TRIM47: variants seen among roughly 807,000 people sequenced by gnomAD.
The protein encoded by TRIM47 is E3 ubiquitin-protein ligase TRIM47.
TRIM47 carries 46 observed loss-of-function variants against 54.4 expected under a neutral mutation model. The ratio of observed to expected loss-of-function variants is 0.84; its 90% CI spans 0.67 to 1.08. TRIM47 has a LOEUF of 1.08. TRIM47 is among the 50% of genes least tolerant of loss of function. TRIM47 has a pLI of 0.00. For missense variants in TRIM47, 825 were observed against 910.1 expected, an observed-to-expected ratio of 0.91 and a Z score of 1.20; for synonymous variants, 392 against 410.2, an observed-to-expected ratio of 0.96 and a Z score of 0.54.
intron 2 of TRIM47, 76 bp downstream of exon 2, chr17:75,876,642 G>A: frequency 6.4e-7 from 1 of 1,568,896 alleles, no homozygotes; most frequent in Non-Finnish European, 8.7e-7. Flanking sequence ...CCAGGTCAGG[G>A]GACACTTGTG....
Position 75,878,003 on chromosome 17 carries a change from G to T in TRIM47, c.546C>A (p.Cys182Ter). The change falls in exon 1 of 6, where the codon TGC (cysteine) becomes TGA (stop). Residue 182 changes from cysteine to a stop codon, truncating the protein, a stop_gained. Transcript: ENST00000254816. LOFTEE classifies it high-confidence loss of function. Reference protein sequence around the residue: ...PPLRRLEESLCPRHLRPLERY... With the variant: ...PPLRRLEESL ...GCTCGAGCGGCCGTAGGTGGCGCGG[G>T]CACAGGCTCTCCTCTAGCCGGCGCA... 6.8e-7 allele frequency: 1 copy of T among 1,465,292 alleles called. No individual in the cohort carries two copies. The allele number at this position is 1,465,292 out of a possible 1,614,324, so 90.8% of individuals were successfully genotyped here. A position where few individuals can be genotyped will look rare whatever the true frequency, so the allele number is the denominator to read the frequency against.
chr17:75,877,677 C>A, intron 1 of TRIM47, 197 bp downstream of exon 1: 1 of 1,233,036 alleles, frequency 8.1e-7, no homozygotes, highest in Non-Finnish European at 1.0e-6. Flanking sequence ...GTTCTCACGT[C>A]CCTCCTTCCT....
intron 1 of TRIM47, chr17:75,877,145 C>T (rs2065140679): frequency 5.7e-6 from 2 of 348,466 alleles, no homozygotes. Context: ...AGAGAGTAAG[C>T]CAGTTAGGTT....
In TRIM47 at chr17:75,875,843, G is replaced by C; in HGVS notation, c.1201+58C>G. The stretch of plus-strand genomic sequence containing the variant: ...TTCTGGATGGGCGCCAGGCCTGGGG[G>C]CCTGTGCGAGAGGCTGGCAGAGGGT... On this transcript the variant is annotated intron_variant, in intron 4 of 5. Coordinates refer to ENST00000254816, the MANE Select transcript of TRIM47 (RefSeq NM_033452.3). This position sits in a 1 kb window ranked among gnomAD's most constrained non-coding sequence, Gnocchi z 6.1. The C allele has an allele frequency of 6.4e-7, 1 of 1,562,354 alleles. No individual in the cohort carries two copies.
Position 75,875,885 on chromosome 17 carries a change from G to A in TRIM47, c.1201+16C>T, listed in dbSNP as rs570445981. On this transcript the variant is annotated intron_variant, in intron 4 of 5. Transcript: ENST00000254816. This position sits in a 1 kb window ranked among gnomAD's most constrained non-coding sequence, Gnocchi z 6.1. ...GCAGAGGGTGAGTCATCGGGGGGGC[G>A]TGGGGCGGTGCCCACCTTCCGAGTC... 174 of 1,608,212 alleles carry A rather than the reference G, an allele frequency of 1.1e-4. No individual in the cohort carries two copies. The highest frequency in any genetic ancestry group is 1.7e-4 in the African/African-American group (13 of 74,958).
Position 75,875,347 on chromosome 17 carries a change from AGCAGCCCTGGGAGGGC to A in TRIM47, c.1276+37_1276+52del. The A allele has an allele frequency of 6.3e-7, 1 of 1,586,124 alleles. No individual in the cohort carries two copies. Among genetic ancestry groups the A allele is most frequent in the Non-Finnish European group, 8.7e-7 (1 of 1,154,988 alleles). On this transcript the variant is annotated intron_variant, in intron 5 of 5. Transcript: ENST00000254816. The surrounding 1 kb of genome is among the most constrained non-coding windows in gnomAD (Gnocchi z 6.1). ...GCCAGGGCCCTGCTGGGACCAGCCC[AGCAGCCCTGGGAGGGC>A]CCAGTGTGAGTGGAGGGGGCACGGG...
At position 75,875,757 on chromosome 17, in the gene TRIM47, G is replaced by T; in HGVS notation, c.1201+144C>A. 1 of 996,238 alleles carries T rather than the reference G, an allele frequency of 1.0e-6. No individual in the cohort carries two copies. Among genetic ancestry groups the T allele is most frequent in the Non-Finnish European group, 1.5e-6 (1 of 681,982 alleles). The allele number at this position is 996,238 out of a possible 1,614,324, so 61.7% of individuals were successfully genotyped here. The stretch of plus-strand genomic sequence containing the variant: ...GCTGATTGATCCCCACAGGGTGGCA[G>T]CTCTAGTCACTGGCAGGATTTGGGC... On this transcript the variant is annotated intron_variant, in intron 4 of 5. Coordinates refer to ENST00000254816, the MANE Select transcript of TRIM47 (RefSeq NM_033452.3). This position sits in a 1 kb window ranked among gnomAD's most constrained non-coding sequence, Gnocchi z 6.1.
intron 1 of TRIM47, 53 bp from the exon 2 acceptor site, chr17:75,876,866 C>T (rs1172491723): frequency 1.1e-5 from 17 of 1,576,434 alleles, no homozygotes; most frequent in African/African-American, 2.7e-5. Flanking sequence ...CACAGCCCTA[C>T]ACTCGGGTCC....
chr17:75,876,790 G>A lies in TRIM47; in HGVS notation c.699C>T (p.Ser233=), dbSNP rs770368188. 1.6e-5 allele frequency: 26 copies of A among 1,613,990 alleles called. No individual in the cohort carries two copies. The highest frequency in any genetic ancestry group is 3.3e-5 in the Admixed American group (2 of 60,008). The change falls in exon 2 of 6, where the codon AGC becomes AGT. Residue 233 remains serine, a synonymous_variant. Transcript: ENST00000254816. ...GCTCGTCCATGCGGTCCTCCACGGC[G>A]CTCAGGACTTTGGACTGCTCAGCCT... The part of the protein sequence containing the change: ...LQEAEQSKVL[S]AVEDRMDELG...
chr17:75,874,618 C>T lies in TRIM47; in HGVS notation c.1782G>A (p.Gln594=), dbSNP rs776851152. The part of the protein sequence containing the change: ...GIPASPIDPF[Q]SRLDSHFAGL... Reference sequence around the variant, plus strand: ...CCGCAAAGTGACTGTCCAGGCGGCTCTGGAAGGGGTCAATGGGGGAGGCCG... The same window carrying T: ...CCGCAAAGTGACTGTCCAGGCGGCTTTGGAAGGGGTCAATGGGGGAGGCCG... The change falls in exon 6 of 6, where the codon CAG becomes CAA. Residue 594 remains glutamine, a synonymous_variant. Coordinates refer to ENST00000254816, the MANE Select transcript of TRIM47 (RefSeq NM_033452.3). This position sits in a 1 kb window ranked among gnomAD's most constrained non-coding sequence, Gnocchi z 6.2. The T allele has an allele frequency of 1.3e-6, 2 of 1,574,084 alleles. No individual in the cohort carries two copies. The highest frequency in any genetic ancestry group is 4.5e-5 in the East Asian group (2 of 44,390).
In TRIM47 at chr17:75,878,490, AC is replaced by A; in HGVS notation, c.58del (p.Val20Ter). 1 of 1,385,010 alleles carries A rather than the reference AC, an allele frequency of 7.2e-7. No individual in the cohort carries two copies. The highest frequency in any genetic ancestry group is 1.5e-5 in the African/African-American group (1 of 66,856). 85.8% of individuals were successfully genotyped at this position (1,385,010 alleles called of 1,614,324 possible). On this transcript the variant is annotated frameshift_variant, in exon 1 of 6. Transcript: ENST00000254816. LOFTEE classifies it high-confidence loss of function. The stretch of plus-strand genomic sequence containing the variant: ...GAAGTTGTGGCCGCAGGGCAGCGTC[AC>A]CGGCTCCCGGAGTGGCTCTAGGCAG... ...PICLEPLREP[V>X]TLPCGHNFCL...
At chr17:75,876,214 A>C (rs556040996) in intron 3 of TRIM47, 48 bp downstream of exon 3, 4 of 1,572,110 alleles carry the variant, frequency 2.5e-6, no homozygotes. Flanking sequence ...CCTCCACCCC[A>C]CCTGTCCCAG....
Position 75,876,746 on chromosome 17 carries a change from T to G in TRIM47, c.743A>C (p.Gln248Pro), listed in dbSNP as rs201023742. The G allele has an allele frequency of 5.0e-6, 8 of 1,614,198 alleles. No homozygotes were observed. Among genetic ancestry groups the G allele is most frequent in the Non-Finnish European group, 6.8e-6 (8 of 1,180,024 alleles). The change falls in exon 2 of 6, where the codon CAG becomes CCG. Residue 248 changes from glutamine to proline, a missense_variant. By Grantham distance (76) the Gln-to-Pro change is moderately conservative. Coordinates refer to ENST00000254816, the MANE Select transcript of TRIM47 (RefSeq NM_033452.3). Reference sequence around the variant, plus strand: ...GATGAGGGCCACTGTGCGCCTGGACTGTGCAATGCCAGCACCCAGCTCGTC... The same window carrying G: ...GATGAGGGCCACTGTGCGCCTGGACGGTGCAATGCCAGCACCCAGCTCGTC... ...RMDELGAGIA[Q>P]SRRTVALIKS...
In TRIM47 at chr17:75,874,859, C is replaced by T. The variant is rs778806267; in HGVS notation, c.1541G>A (p.Gly514Asp). 1 of 1,614,022 alleles carries T rather than the reference C, an allele frequency of 6.2e-7. No individual in the cohort carries two copies. Among genetic ancestry groups the T allele is most frequent in the African/African-American group, 1.3e-5 (1 of 74,938 alleles). Residue 514 changes from glycine (G) to aspartate (D), a missense_variant, in exon 6 of 6, where the codon GGC (glycine) becomes GAC (aspartate). Transcript: ENST00000254816. The surrounding 1 kb of genome is among the most constrained non-coding windows in gnomAD (Gnocchi z 6.2). ...PQEPYDRGRL[G>D]RNAHSCCLQW... is the part of the protein sequence containing the mutation. ...CAGGCAGCAGGAGTGGGCGTTGCGG[C>T]CCAGCCGGCCGCGGTCGTAGGGCTC...
chr17:75,877,874 C>T lies in TRIM47; in HGVS notation c.675G>A (p.Glu225=). Residue 225 remains glutamate, a splice_region_variant and synonymous_variant, in exon 1 of 6, where the codon GAG becomes GAA. Transcript: ENST00000254816. The stretch of plus-strand genomic sequence containing the variant: ...ACCCGAGTGTGCCCCCGGAGCCCAC[C>T]TCCTGAAGCGCGCGCTCCTGCTCCA... ...VPLEQERALQ[E]AEQSKVLSAV... 1 of 1,356,370 alleles carries T rather than the reference C, an allele frequency of 7.4e-7. No homozygotes were observed. The highest frequency in any genetic ancestry group is 9.5e-7 in the Non-Finnish European group (1 of 1,056,166). 84.0% of individuals were successfully genotyped at this position (1,356,370 alleles called of 1,614,324 possible). A position where few individuals can be genotyped will look rare whatever the true frequency, so the allele number is the denominator to read the frequency against.
In TRIM47 at chr17:75,875,484, A is replaced by C; in HGVS notation, c.1202-10T>G. On this transcript the variant is annotated splice_polypyrimidine_tract_variant and intron_variant, in intron 4 of 5. Transcript: ENST00000254816. The surrounding 1 kb of genome is among the most constrained non-coding windows in gnomAD (Gnocchi z 6.1). ...TGGGGCTCAGCATCAGCTGTAGAAGAGGAGACAGTGGTGAGAACGCCCCCA... is the reference window on the plus strand; with the variant it reads ...TGGGGCTCAGCATCAGCTGTAGAAGCGGAGACAGTGGTGAGAACGCCCCCA... 1.2e-6 allele frequency: 2 copies of C among 1,613,766 alleles called. No individual in the cohort carries two copies. The highest frequency in any genetic ancestry group is 1.3e-5 in the African/African-American group (1 of 75,028).
Position 75,878,259 on chromosome 17 carries a change from G to A in TRIM47, c.290C>T (p.Pro97Leu), listed in dbSNP as rs1183686163. ...CAGCGCGCTGGGTGCCGAGGGCTCC[G>A]GGGCCAGGGCAGGGGCCGGGCCGGG... ...SGPGPAPALAPEPSAPSALPS... is the reference protein window; with the variant it reads ...SGPGPAPALALEPSAPSALPS... Residue 97 changes from proline to leucine, a missense_variant, in exon 1 of 6, where the codon CCG becomes CTG. Transcript: ENST00000254816. The A allele has an allele frequency of 8.1e-7, 1 of 1,241,108 alleles. No homozygotes were observed. Among genetic ancestry groups the A allele is most frequent in the East Asian group, 3.2e-5 (1 of 31,240 alleles). The allele number at this position is 1,241,108 out of a possible 1,614,324, so 76.9% of individuals were successfully genotyped here. A position where few individuals can be genotyped will look rare whatever the true frequency, so the allele number is the denominator to read the frequency against.
Position 75,877,894 on chromosome 17 carries a change from G to A in TRIM47, c.655C>T (p.Gln219Ter). ...CCCACCTCCTGAAGCGCGCGCTCCT[G>A]CTCCAGCGGCACCAGCTCGTGGCCG... ...HRGHELVPLEQERALQEAEQS... is the reference protein window; with the variant it reads ...HRGHELVPLE The change falls in exon 1 of 6, where the codon CAG becomes TAG. Residue 219 changes from glutamine to a stop codon, truncating the protein, a stop_gained. Coordinates refer to ENST00000254816, the MANE Select transcript of TRIM47 (RefSeq NM_033452.3). LOFTEE classifies it high-confidence loss of function. 1.4e-6 allele frequency: 2 copies of A among 1,411,222 alleles called. No homozygotes were observed. Among genetic ancestry groups the A allele is most frequent in the South Asian group, 1.5e-5 (1 of 67,108 alleles). The allele number at this position is 1,411,222 out of a possible 1,614,324, so 87.4% of individuals were successfully genotyped here.
In TRIM47 at chr17:75,875,255, G is replaced by A. The variant is rs879858429; in HGVS notation, c.1277-132C>T. The A allele has an allele frequency of 5.9e-5, 76 of 1,289,840 alleles. No individual in the cohort carries two copies. The highest frequency in any genetic ancestry group is 3.6e-4 in the South Asian group (26 of 71,866). 79.9% of individuals were successfully genotyped at this position (1,289,840 alleles called of 1,614,324 possible). ...CCAACCGGCACAACCCAGCCCCGCCGGGGACCACCCCAGGAGCTGCCCTAG... is the reference window on the plus strand; with the variant it reads ...CCAACCGGCACAACCCAGCCCCGCCAGGGACCACCCCAGGAGCTGCCCTAG... On this transcript the variant is annotated intron_variant, in intron 5 of 5. Coordinates refer to ENST00000254816, the MANE Select transcript of TRIM47 (RefSeq NM_033452.3). The surrounding 1 kb of genome is among the most constrained non-coding windows in gnomAD (Gnocchi z 6.1).
Sources: gnomAD v4.1 joint callset for allele counts on GRCh38, gnomAD v4.1.1 for gene constraint, Gnocchi (gnomAD v3.1) non-coding constraint, MANE v1.5 for transcripts, NCBI Gene and HGNC (gene_info 2026-07-23, HGNC 2026-07-21) for gene names.